The following SLC35B4 variants were observed in gnomAD, a reference collection of about 807,000 sequenced individuals.
SLC35B4 encodes solute carrier family 35 member B4.
In SLC35B4, 28 loss-of-function variants were observed where a neutral mutation model predicts 39.5. The observed-to-expected ratio is 0.71, with a 90% CI of 0.53 to 0.97. The LOEUF (loss-of-function observed/expected upper bound fraction) is 0.97. Ranked by LOEUF, SLC35B4 falls within the 50% of genes least tolerant of loss-of-function variation. The pLI is 0.00. For synonymous variants in SLC35B4, 145 were observed against 150.4 expected, an observed-to-expected ratio of 0.96 and a Z score of 0.26; for missense variants, 334 against 414.3, an observed-to-expected ratio of 0.81 and a Z score of 1.68.
upstream of SLC35B4, among the ~76,000 whole-genome samples, chr7:134,317,557 G>A (rs1353806175): frequency 6.6e-6 from 1 of 152,154 alleles, no homozygotes; most frequent in Non-Finnish European, 1.5e-5. Flanking sequence ...TTACCTCCGT[G>A]GTTCTCAAAC....
chr7:134,316,641 G>A (rs1215045182), intron 1 of SLC35B4, 34 bp downstream of exon 1: 8 of 1,546,510 alleles, frequency 5.2e-6, no homozygotes, highest in African/African-American at 1.4e-5. Context: ...GCCCCGCCCC[G>A]GGAGACCGGG....
chr7:134,310,583 C>A (rs1412258150), intron 1 of SLC35B4, among the ~76,000 whole-genome samples: 3 of 148,990 alleles, frequency 2.0e-5, no homozygotes, highest in Non-Finnish European at 4.4e-5. Flanking sequence ...CTCGCTCTGT[C>A]GCCCAGGCTG....
rs1803337102 is a variant in SLC35B4 at position 134,291,815 on chromosome 7, T to A, written c.*3018A>T. ...CAAAGAATCAAAAATAAATTACTAATAAACATGAAAAAGATAACATGTTTC... is the reference window on the plus strand; with the variant it reads ...CAAAGAATCAAAAATAAATTACTAAAAAACATGAAAAAGATAACATGTTTC... On this transcript the variant is annotated 3_prime_UTR_variant, in exon 10 of 10. Transcript: ENST00000378509. 1.3e-5 allele frequency: 2 copies of A among 152,238 alleles called. No homozygotes were observed. Among genetic ancestry groups the A allele is most frequent in the African/African-American group, 4.8e-5 (2 of 41,464 alleles). The allele number at this position is 152,238 out of a possible 1,614,324, so 9.4% of individuals were successfully genotyped here.
intron 4 of SLC35B4, among the ~76,000 whole-genome samples, 177 bp from the exon 5 acceptor site, chr7:134,302,287 A>G (rs2244690): frequency 0.48 from 73,689 of 152,052 alleles, 18,183 homozygotes; most frequent in Admixed American, 0.55. Context: ...GATACTGACT[A>G]GTTTCTAACC....
chr7:134,296,315 G>A, intron 9 of SLC35B4, 76 bp downstream of exon 9: 1 of 1,268,190 alleles, frequency 7.9e-7, no homozygotes, highest in Non-Finnish European at 1.1e-6. Flanking sequence ...CACACTGTTA[G>A]AAGAAAAGAA....
At chr7:134,312,782 T>C (rs1803874598) in intron 1 of SLC35B4, among the ~76,000 whole-genome samples, 1 of 152,200 alleles carries the variant, frequency 6.6e-6, no homozygotes, top group Non-Finnish European at 1.5e-5. Context: ...AGGGTCCCAT[T>C]GCACTGCGTC....
upstream of SLC35B4, among the ~76,000 whole-genome samples, chr7:134,317,379 A>G (rs1389281013): frequency 6.6e-6 from 1 of 152,198 alleles, no homozygotes; most frequent in Middle Eastern, 3.2e-3. Context: ...AAGTAAAGCA[A>G]TGGCTCTCAA....
chr7:134,309,186 T>C (rs1803776925), intron 2 of SLC35B4, among the ~76,000 whole-genome samples, 180 bp downstream of exon 2: 1 of 152,240 alleles, frequency 6.6e-6, no homozygotes, highest in South Asian at 2.1e-4. Context: ...AGAAATTTTA[T>C]TTTCGAAGTA....
rs1019381171 is a variant in SLC35B4 at position 134,291,575 on chromosome 7, G to T, written c.*3258C>A. 1.3e-5 allele frequency: 2 copies of T among 152,330 alleles called. No individual in the cohort carries two copies. Among genetic ancestry groups the T allele is most frequent in the Admixed American group, 6.5e-5 (1 of 15,302 alleles). 9.4% of individuals were successfully genotyped at this position (152,330 alleles called of 1,614,324 possible). A position where few individuals can be genotyped will look rare whatever the true frequency, so the allele number is the denominator to read the frequency against. On this transcript the variant is annotated 3_prime_UTR_variant, in exon 10 of 10. Transcript: ENST00000378509. ...ACGCCATCTTTCCAGAAGAAGAGAA[G>T]AGGTTTACTCTGGGTGGCACAGACC...
intron 4 of SLC35B4, among the ~76,000 whole-genome samples, chr7:134,303,500 A>G (rs73443146): frequency 0.02 from 3,000 of 152,262 alleles, 124 homozygotes; most frequent in African/African-American, 0.069. Flanking sequence ...CAGAGAACCA[A>G]GAAGAAAGAA....
At chr7:134,295,833 C>G (rs770539273) in intron 9 of SLC35B4, among the ~76,000 whole-genome samples, 1 of 152,028 alleles carries the variant, frequency 6.6e-6, no homozygotes, top group Non-Finnish European at 1.5e-5. Context: ...TACAGTAGTT[C>G]TTTGTTTGTT....
intron 4 of SLC35B4, among the ~76,000 whole-genome samples, chr7:134,302,524 T>G (rs887035416): frequency 6.6e-6 from 1 of 152,178 alleles, no homozygotes; most frequent in Non-Finnish European, 1.5e-5. Context: ...AAAAACAGGC[T>G]ATCAGGTGCA....
intron 4 of SLC35B4, among the ~76,000 whole-genome samples, chr7:134,303,368 C>G: frequency 6.6e-6 from 1 of 152,064 alleles, no homozygotes; most frequent in Non-Finnish European, 1.5e-5. Context: ...GAGCCAGAAT[C>G]AAAGGTTGGG....
chr7:134,298,563 T>A (rs942909968), intron 8 of SLC35B4, among the ~76,000 whole-genome samples: 16 of 152,234 alleles, frequency 1.1e-4, no homozygotes, highest in East Asian at 3.8e-4. Context: ...ACATTTTTAT[T>A]TCAATAGCCC....
At chr7:134,313,308 G>A (rs2117320934) in intron 1 of SLC35B4, among the ~76,000 whole-genome samples, 1 of 152,310 alleles carries the variant, frequency 6.6e-6, no homozygotes, top group African/African-American at 2.4e-5. Context: ...ATGCAACTTT[G>A]AAGAGAATGA....
Position 134,299,569 on chromosome 7 carries a change from G to C in SLC35B4, c.627C>G (p.Phe209Leu). Residue 209 changes from phenylalanine (F) to leucine (L), a missense_variant, in exon 8 of 10, where the codon TTC becomes TTG. Phe to Leu is a conservative substitution (Grantham distance 22). Coordinates refer to ENST00000378509, the MANE Select transcript of SLC35B4 (RefSeq NM_032826.5). ...CATGGTCATAAATATCAGAAGCCAA[G>C]AAGACGAAACCCGGAAGTGGAAGGG... The part of the protein sequence containing the change: ...NHALPLPGFV[F>L]LASDIYDHAV... The C allele has an allele frequency of 6.2e-7, 1 of 1,614,028 alleles. No individual in the cohort carries two copies. Among genetic ancestry groups the C allele is most frequent in the Non-Finnish European group, 8.5e-7 (1 of 1,179,944 alleles).
At position 134,309,467 on chromosome 7, in the gene SLC35B4, T is replaced by C; in HGVS notation, c.90A>G (p.Gly30=). ...FLELLARKHP[G]CGNIVTFAQF... ...GTGCAAATGTCACAATGTTCCCACA[T>C]CCTGGATGCTTCCTGTATAGTGAAT... Residue 30 remains glycine (G), a synonymous_variant, in exon 2 of 10, where the codon GGA becomes GGG. Coordinates refer to ENST00000378509, the MANE Select transcript of SLC35B4 (RefSeq NM_032826.5). The C allele has an allele frequency of 6.2e-7, 1 of 1,609,266 alleles. No homozygotes were observed. The highest frequency in any genetic ancestry group is 8.5e-7 in the Non-Finnish European group (1 of 1,178,888).
In SLC35B4 at chr7:134,294,799, A is replaced by G. The variant is rs1333194640; in HGVS notation, c.*34T>C. 6.2e-7 allele frequency: 1 copy of G among 1,608,650 alleles called. No individual in the cohort carries two copies. Among genetic ancestry groups the G allele is most frequent in the South Asian group, 1.1e-5 (1 of 90,654 alleles). ...CAGACCTTCACAGGGTCCCACCCTC[A>G]CGACGACACTGGTCTACGTACTCCA... is the stretch of plus-strand genomic sequence containing the variant. On this transcript the variant is annotated 3_prime_UTR_variant, in exon 10 of 10. Coordinates refer to ENST00000378509, the MANE Select transcript of SLC35B4 (RefSeq NM_032826.5).
chr7:134,296,031 G>A (rs1417403549), intron 9 of SLC35B4, among the ~76,000 whole-genome samples: 1 of 151,984 alleles, frequency 6.6e-6, no homozygotes, highest in Non-Finnish European at 1.5e-5. Flanking sequence ...GTTTCACCAT[G>A]TTGGCCAGGC....
Sources: allele counts gnomAD v4.1 joint callset (sites outside exome capture counted in the v4.1 genomes callset), GRCh38; gene constraint gnomAD v4.1.1; transcripts MANE v1.5; gene names NCBI Gene and HGNC (gene_info 2026-07-23, HGNC 2026-07-21).